ALDH1A2: variants seen among roughly 807,000 people sequenced by gnomAD.
ALDH1A2 encodes retinal dehydrogenase 2.
In ALDH1A2, 27 loss-of-function variants were observed where a neutral mutation model predicts 60.3. The ratio of observed to expected loss-of-function variants is 0.45; its 90% CI spans 0.33 to 0.62. The LOEUF (loss-of-function observed/expected upper bound fraction) is 0.62, where lower values mean the gene tolerates loss of function less well. Ranked by LOEUF, ALDH1A2 falls within the 20% of genes least tolerant of loss-of-function variation. The probability of loss-of-function intolerance (pLI) is 0.02; values close to 1 mark genes in which losing one functional copy is unlikely to be tolerated. For synonymous variants in ALDH1A2, 289 were observed against 232.4 expected (o/e 1.24, Z -2.21); for missense variants, 581 against 643.8 (o/e 0.90, Z 1.06).
chr15:57,975,749 T>C (rs1003635150), intron 7 of ALDH1A2, among the ~76,000 whole-genome samples: 9 of 152,130 alleles, frequency 5.9e-5, no homozygotes, highest in African/African-American at 1.9e-4. Context: ...ATACTATATG[T>C]TGCCATTTAT....
intron 4 of ALDH1A2, among the ~76,000 whole-genome samples, chr15:58,008,884 TAGGCCATCCCCACATCTTGCA>T (rs1247543243): frequency 1.3e-5 from 2 of 152,080 alleles, no homozygotes; most frequent in Non-Finnish European, 2.9e-5. Context: ...CTACCTCACT[TAGGCCATCCCCACATCTTGCA>T]AGTGATGCTG....
At chr15:58,025,970 C>T (rs913695579) in intron 1 of ALDH1A2, among the ~76,000 whole-genome samples, 2 of 152,200 alleles carry the variant, frequency 1.3e-5, no homozygotes, top group Non-Finnish European at 2.9e-5. Context: ...AAACAAACAC[C>T]TCCCACCAGG....
intron 4 of ALDH1A2, among the ~76,000 whole-genome samples, chr15:58,001,034 T>A (rs1304902036): frequency 1.6e-5 from 2 of 126,222 alleles, no homozygotes; most frequent in East Asian, 2.4e-4. Flanking sequence ...TCAAAATTGT[T>A]AAAAAAAAAA....
At chr15:58,047,597 T>C (rs1355729709) in intron 1 of ALDH1A2, among the ~76,000 whole-genome samples, 1 of 151,966 alleles carries the variant, frequency 6.6e-6, no homozygotes. Context: ...CCTTTAAACA[T>C]TATAATCAAA....
intron 1 of ALDH1A2, among the ~76,000 whole-genome samples, chr15:58,038,127 T>TCC (rs1459036671): frequency 6.6e-6 from 1 of 151,588 alleles, no homozygotes; most frequent in Non-Finnish European, 1.5e-5. Context: ...CCTCTTCCCC[T>TCC]CCCTCCCTAC....
chr15:57,966,032 G>A (rs970998741), intron 7 of ALDH1A2, among the ~76,000 whole-genome samples: 1 of 152,212 alleles, frequency 6.6e-6, no homozygotes, highest in East Asian at 1.9e-4. Context: ...CTGGAAGACA[G>A]CTTTAGTTTC....
chr15:58,025,124 A>G (rs1284498025), intron 1 of ALDH1A2, among the ~76,000 whole-genome samples: 1 of 152,126 alleles, frequency 6.6e-6, no homozygotes, highest in Non-Finnish European at 1.5e-5. Flanking sequence ...GTACCTTGAG[A>G]AACTAGAAAA....
Position 58,013,915 on chromosome 15 carries a change from C to A in ALDH1A2, c.306G>T (p.Arg102Ser). ...SVWRRMDASE[R>S]GRLLDKLADL... The stretch of plus-strand genomic sequence containing the variant: ...CTGCAAGCTTATCCAACAGACGTCC[C>A]CTTTCTGAAGCATCCATCCTTCTCC... The change falls in exon 3 of 13, where the codon AGG becomes AGT. Residue 102 changes from arginine to serine, a missense_variant. Transcript: ENST00000249750. 1 of 1,614,158 alleles carries A rather than the reference C, an allele frequency of 6.2e-7. No homozygotes were observed.
intron 1 of ALDH1A2, among the ~76,000 whole-genome samples, chr15:58,043,481 G>A (rs1288296002): frequency 6.6e-6 from 1 of 151,960 alleles, no homozygotes; most frequent in African/African-American, 2.4e-5. Context: ...TCTCTAAAGA[G>A]TGTATGTTAA....
At chr15:57,961,866 G>A (rs1283828690) in intron 10 of ALDH1A2, 146 bp downstream of exon 10, 3 of 1,167,054 alleles carry the variant, frequency 2.6e-6, no homozygotes, top group East Asian at 2.5e-5. Context: ...TCTTGAAACT[G>A]GAATTTTCAT....
At chr15:58,005,447 T>C (rs995379085) in intron 4 of ALDH1A2, among the ~76,000 whole-genome samples, 32 of 151,944 alleles carry the variant, frequency 2.1e-4, no homozygotes, top group Non-Finnish European at 4.4e-5. Context: ...AAAAAAAATC[T>C]GCTGAATAAA....
intron 1 of ALDH1A2, among the ~76,000 whole-genome samples, chr15:58,043,639 G>A (rs1036726307): frequency 1.3e-5 from 2 of 151,904 alleles, no homozygotes; most frequent in Admixed American, 6.6e-5. Flanking sequence ...TTGAAACGGT[G>A]AGATTCAGGT....
intron 7 of ALDH1A2, among the ~76,000 whole-genome samples, chr15:57,990,818 G>C (rs371792254): frequency 1.1e-4 from 16 of 147,938 alleles, no homozygotes; most frequent in Middle Eastern, 3.6e-3. Context: ...GGAGGTTGCT[G>C]TGAGACAAGA....
intron 7 of ALDH1A2, among the ~76,000 whole-genome samples, chr15:57,977,091 T>C (rs1173096804): frequency 7.6e-6 from 1 of 131,390 alleles, no homozygotes; most frequent in Non-Finnish European, 1.8e-5. Context: ...TGCCCACTTT[T>C]CGATGTTTTT....
Position 58,010,757 on chromosome 15 carries a change from C to G in ALDH1A2, c.385G>C (p.Gly129Arg). 6.2e-7 allele frequency: 1 copy of G among 1,613,412 alleles called. No homozygotes were observed. The highest frequency in any genetic ancestry group is 1.1e-5 in the South Asian group (1 of 91,066). The change falls in exon 4 of 13, where the codon GGC becomes CGC. Residue 129 changes from glycine to arginine, a missense_variant. Transcript: ENST00000249750. ...TAAAAAGCTTGCAGGAATGGTTTGC[C>G]ACCATTTAGGGATTCCATGGTCTGT... ...VLATMESLNG[G>R]KPFLQAFYVD...
At chr15:58,017,222 G>T (rs1307179538) in intron 1 of ALDH1A2, among the ~76,000 whole-genome samples, 2 of 152,118 alleles carry the variant, frequency 1.3e-5, no homozygotes, top group Non-Finnish European at 2.9e-5. Flanking sequence ...TTTTGCACAA[G>T]AACCTGGACC....
At chr15:58,058,594 T>C (rs1485005095) in intron 1 of ALDH1A2, among the ~76,000 whole-genome samples, 3 of 151,944 alleles carry the variant, frequency 2.0e-5, no homozygotes, top group Non-Finnish European at 2.9e-5. Context: ...GAAAAATGTA[T>C]AATCAAGATT....
chr15:57,961,367 G>C (rs1596064871), intron 10 of ALDH1A2, 73 bp from the exon 11 acceptor site: 2 of 1,543,042 alleles, frequency 1.3e-6, no homozygotes, highest in East Asian at 4.5e-5. Context: ...TTCAATGCAA[G>C]TTTACTCTGC....
At chr15:57,997,016 TC>T (rs1483631145) in intron 4 of ALDH1A2, among the ~76,000 whole-genome samples, 1 of 152,056 alleles carries the variant, frequency 6.6e-6, no homozygotes, top group African/African-American at 2.4e-5. Flanking sequence ...CAAAGATTTT[TC>T]CCCAATCTGC....
Sources: gnomAD v4.1 joint callset for allele counts (sites outside exome capture counted in the v4.1 genomes callset) on GRCh38, gnomAD v4.1.1 for gene constraint, MANE v1.5 for transcripts, NCBI Gene and HGNC (gene_info 2026-07-23, HGNC 2026-07-21) for gene names.